Variants in GALNT13 observed in about 807,000 individuals in gnomAD.
GALNT13 encodes the protein polypeptide N-acetylgalactosaminyltransferase 13, also known as UDP-GalNAc:polypeptide N-acetylgalactosaminyltransferase 13.
In GALNT13, 28 loss-of-function variants were observed where a neutral mutation model predicts 64.2. The observed-to-expected ratio is 0.44, with a 90% confidence interval of 0.32 to 0.60. The LOEUF (loss-of-function observed/expected upper bound fraction) is 0.60. Among genes scored for constraint, GALNT13 ranks in the 20% least tolerant of loss-of-function variants. GALNT13 has a pLI of 0.05. For missense variants in GALNT13, 577 were observed against 669.8 expected (o/e 0.86, Z 1.53); for synonymous variants, 214 against 224.6 (o/e 0.95, Z 0.42).
the GALNT13 span, among the ~76,000 whole-genome samples, chr2:153,706,765 A>G: frequency 1.3e-5 from 2 of 152,176 alleles, no homozygotes; most frequent in South Asian, 4.1e-4. Context: ...AATACGGCAT[A>G]GTGGAAAACA....
At position 154,450,567 on chromosome 2, in the gene GALNT13, A is replaced by C; in HGVS notation, c.*16A>C. 6.4e-7 allele frequency: 1 copy of C among 1,572,254 alleles called. No homozygotes were observed. The highest frequency in any genetic ancestry group is 1.4e-5 in the African/African-American group (1 of 73,074). ...GGGCACATGAAGATCATGTCCTCCA[A>C]GCCATGAAAGTGTCTACGCTTTTGT... On this transcript the variant is annotated 3_prime_UTR_variant, in exon 13 of 13. Transcript: ENST00000392825.
intron 3 of GALNT13, among the ~76,000 whole-genome samples, chr2:154,030,978 C>T (rs1698298838): frequency 6.6e-6 from 1 of 152,090 alleles, no homozygotes; most frequent in South Asian, 2.1e-4. Context: ...AAGTGAAGGG[C>T]GCTGAAAATA....
chr2:154,097,171 T>C (rs1702117007), intron 3 of GALNT13, among the ~76,000 whole-genome samples: 1 of 152,038 alleles, frequency 6.6e-6, no homozygotes, highest in Non-Finnish European at 1.5e-5. Flanking sequence ...TTCAATGAAG[T>C]GTTATCGAGT....
chr2:154,113,054 T>C (rs920430994), intron 3 of GALNT13, among the ~76,000 whole-genome samples: 4 of 152,202 alleles, frequency 2.6e-5, no homozygotes, highest in Non-Finnish European at 5.9e-5. Flanking sequence ...CAGTTCATGA[T>C]AGGCAGTACA....
chr2:153,216,902 A>C, the GALNT13 span, among the ~76,000 whole-genome samples: 1 of 151,956 alleles, frequency 6.6e-6, no homozygotes, highest in African/African-American at 2.4e-5. Context: ...TTTTTTCCTT[A>C]AATTTTCTTA....
At chr2:153,330,559 T>A in the GALNT13 span, among the ~76,000 whole-genome samples, 2 of 152,164 alleles carry the variant, frequency 1.3e-5, no homozygotes, top group Non-Finnish European at 2.9e-5. Flanking sequence ...TTATTTTGAC[T>A]CTAAGCTTGA....
intron 7 of GALNT13, among the ~76,000 whole-genome samples, chr2:154,250,679 C>T (rs886335822): frequency 6.6e-6 from 1 of 152,164 alleles, no homozygotes; most frequent in East Asian, 1.9e-4. Context: ...TACTCTTTAA[C>T]ATCTTATACA....
intron 3 of GALNT13, among the ~76,000 whole-genome samples, chr2:154,131,295 G>A (rs1054806415): frequency 6.6e-6 from 1 of 152,148 alleles, no homozygotes; most frequent in Non-Finnish European, 1.5e-5. Flanking sequence ...ATATTATAAG[G>A]ATGATTGTGA....
the GALNT13 span, among the ~76,000 whole-genome samples, chr2:153,208,788 T>C: frequency 1.3e-5 from 2 of 152,122 alleles, no homozygotes; most frequent in East Asian, 1.9e-4. Flanking sequence ...AGGGCTCTAG[T>C]TGCCTTTCTT....
the GALNT13 span, among the ~76,000 whole-genome samples, chr2:153,282,939 A>C: frequency 6.6e-6 from 1 of 152,004 alleles, no homozygotes; most frequent in Non-Finnish European, 1.5e-5. Flanking sequence ...AGCCCTGTGC[A>C]CTTCTGTCAA....
chr2:154,137,004 A>C (rs755558043), intron 3 of GALNT13, among the ~76,000 whole-genome samples: 1 of 151,888 alleles, frequency 6.6e-6, no homozygotes, highest in Non-Finnish European at 1.5e-5. Flanking sequence ...TTGTGAGTAC[A>C]TGAGTCTCTT....
At chr2:154,157,028 A>G (rs949792005) in intron 4 of GALNT13, among the ~76,000 whole-genome samples, 2 of 152,162 alleles carry the variant, frequency 1.3e-5, no homozygotes, top group South Asian at 2.1e-4. Flanking sequence ...AATGCTGTCC[A>G]TCAGTCATAC....
At chr2:153,137,062 G>A in the GALNT13 span, among the ~76,000 whole-genome samples, 1 of 152,002 alleles carries the variant, frequency 6.6e-6, no homozygotes, top group Non-Finnish European at 1.5e-5. Context: ...TCCAAGAAAA[G>A]AATCTAAAAT....
chr2:154,292,067 C>T lies in GALNT13; in HGVS notation c.976-9342C>T, dbSNP rs74661640. Among the ~76,000 whole-genome samples, 3 of 152,244 alleles carry T rather than the reference C, an allele frequency of 2.0e-5. No homozygotes were observed. In the East Asian group the frequency reaches 5.8e-4, roughly 29 times the overall value. On this transcript the variant is annotated intron_variant, in intron 8 of 12. Transcript: ENST00000392825. ...GAGATTTTTCCTCTCAATTGTAAGG[C>T]TCTGTGCTCTGGGTGGAGCTAGTGT...
chr2:154,092,957 C>T (rs1701892137), intron 3 of GALNT13, among the ~76,000 whole-genome samples: 1 of 151,854 alleles, frequency 6.6e-6, no homozygotes. Context: ...CATCCCAGTG[C>T]TTGTTCAAAA....
chr2:154,420,163 G>A (rs189704695), intron 11 of GALNT13, among the ~76,000 whole-genome samples: 51 of 152,016 alleles, frequency 3.4e-4, no homozygotes, highest in Admixed American at 2.2e-3. Flanking sequence ...ACACAAAGGC[G>A]TACCTCAACC....
intron 11 of GALNT13, among the ~76,000 whole-genome samples, chr2:154,412,969 T>A (rs1337145458): frequency 6.6e-6 from 1 of 151,908 alleles, no homozygotes; most frequent in Admixed American, 6.6e-5. Flanking sequence ...TTTGATTAAC[T>A]TGAATATAAA....
chr2:153,840,553 C>CATCA, the GALNT13 span, among the ~76,000 whole-genome samples: 5 of 152,062 alleles, frequency 3.3e-5, no homozygotes, highest in Non-Finnish European at 2.9e-5. Flanking sequence ...TTTCTGTGTG[C>CATCA]ATCAGGGTCC....
At chr2:153,338,366 A>C in the GALNT13 span, among the ~76,000 whole-genome samples, 1 of 152,198 alleles carries the variant, frequency 6.6e-6, no homozygotes, top group Non-Finnish European at 1.5e-5. Context: ...AGTAAAATTT[A>C]TTAATTGATG....
Sources: allele counts gnomAD v4.1 joint callset (sites outside exome capture counted in the v4.1 genomes callset), GRCh38; gene constraint gnomAD v4.1.1; transcripts MANE v1.5; gene names NCBI Gene and HGNC (gene_info 2026-07-23, HGNC 2026-07-21).